LOC128092253: variants seen among roughly 807,000 people sequenced by gnomAD.
chr6:133,972,352 C>T, the LOC128092253 span, among the ~76,000 whole-genome samples: 1 of 152,096 alleles, frequency 6.6e-6, no homozygotes, highest in Non-Finnish European at 1.5e-5. Flanking sequence ...TTGTTAAAAC[C>T]GGGATCTAAT....
At chr6:133,977,193 A>G in the LOC128092253 span, among the ~76,000 whole-genome samples, 29 of 152,116 alleles carry the variant, frequency 1.9e-4, no homozygotes, top group Admixed American at 1.7e-3. Flanking sequence ...TGCCTCTTTT[A>G]AAAAAGTACT....
chr6:133,969,818 G>A, the LOC128092253 span, among the ~76,000 whole-genome samples: 1 of 152,076 alleles, frequency 6.6e-6, no homozygotes, highest in Admixed American at 6.5e-5. Context: ...AAGGGGAAGT[G>A]GTGAGTTCAG....
chr6:133,968,037 T>C, the LOC128092253 span, among the ~76,000 whole-genome samples: 2 of 150,876 alleles, frequency 1.3e-5, no homozygotes, highest in African/African-American at 4.9e-5. Flanking sequence ...TGAGACAGAG[T>C]CTTGCTTTGT....
chr6:133,976,186 T>C, the LOC128092253 span, among the ~76,000 whole-genome samples: 1 of 152,236 alleles, frequency 6.6e-6, no homozygotes, highest in African/African-American at 2.4e-5. Context: ...TGGAAATAGT[T>C]TCAGCCTTGC....
chr6:133,959,799 A>G, the LOC128092253 span, among the ~76,000 whole-genome samples: 185 of 152,282 alleles, frequency 1.2e-3, 1 homozygote, highest in African/African-American at 3.8e-3. Context: ...TGTTCTTTCT[A>G]TCACACTCTT....
At chr6:133,967,816 T>C in the LOC128092253 span, among the ~76,000 whole-genome samples, 5 of 152,174 alleles carry the variant, frequency 3.3e-5, no homozygotes, top group Admixed American at 3.3e-4. Context: ...ATTAATTCAG[T>C]ATTGCTGCTT....
chr6:133,969,498 C>T, the LOC128092253 span, among the ~76,000 whole-genome samples: 1 of 152,080 alleles, frequency 6.6e-6, no homozygotes, highest in Admixed American at 6.5e-5. Flanking sequence ...TTCTGTTTAA[C>T]TGAATGTAAT....
At chr6:133,974,922 A>G in the LOC128092253 span, among the ~76,000 whole-genome samples, 316 of 152,352 alleles carry the variant, frequency 2.1e-3, 2 homozygotes, top group African/African-American at 7.2e-3. Context: ...ATTAAGGGAT[A>G]ATGAAAACAC....
the LOC128092253 span, among the ~76,000 whole-genome samples, chr6:133,972,459 T>C: frequency 1.3e-5 from 2 of 152,222 alleles, no homozygotes; most frequent in African/African-American, 4.8e-5. Flanking sequence ...AGTGCCTCTT[T>C]GGGCTTGTCC....
the LOC128092253 span, among the ~76,000 whole-genome samples, chr6:133,956,175 C>T: frequency 1.0e-3 from 155 of 152,224 alleles, 2 homozygotes; most frequent in East Asian, 0.025. Flanking sequence ...AAAATATGAA[C>T]GTTGCAGTTG....
chr6:133,956,339 C>T, the LOC128092253 span, among the ~76,000 whole-genome samples: 1 of 152,154 alleles, frequency 6.6e-6, no homozygotes, highest in Non-Finnish European at 1.5e-5. Context: ...TGTCTGGTGC[C>T]GTGTCAGGTG....
At chr6:133,960,174 A>G in the LOC128092253 span, among the ~76,000 whole-genome samples, 1 of 152,188 alleles carries the variant, frequency 6.6e-6, no homozygotes, top group Admixed American at 6.5e-5. Flanking sequence ...TGCTCGTTAC[A>G]GATTAGGGTG....
At chr6:133,958,841 C>T in the LOC128092253 span, among the ~76,000 whole-genome samples, 1 of 151,956 alleles carries the variant, frequency 6.6e-6, no homozygotes, top group African/African-American at 2.4e-5. Context: ...TTCCTTCTTC[C>T]ATGTTGTGCT....
the LOC128092253 span, among the ~76,000 whole-genome samples, chr6:133,972,435 T>TCCC: frequency 3.9e-5 from 6 of 152,198 alleles, no homozygotes; most frequent in East Asian, 1.2e-3. Flanking sequence ...AGTGATAAAT[T>TCCC]TTATTTTGTT....
the LOC128092253 span, among the ~76,000 whole-genome samples, chr6:133,972,476 C>A: frequency 1.3e-5 from 2 of 152,196 alleles, no homozygotes; most frequent in Non-Finnish European, 2.9e-5. Flanking sequence ...GTCCAGTAAT[C>A]AGCAAACTTT....
the LOC128092253 span, among the ~76,000 whole-genome samples, chr6:133,956,587 CCT>C: frequency 6.6e-6 from 1 of 152,046 alleles, no homozygotes; most frequent in Non-Finnish European, 1.5e-5. Flanking sequence ...ATGTCCCTGC[CCT>C]GTGTGTGTAT....
At chr6:133,958,276 G>A in the LOC128092253 span, among the ~76,000 whole-genome samples, 4 of 152,318 alleles carry the variant, frequency 2.6e-5, no homozygotes, top group South Asian at 8.3e-4. Context: ...GCTTTCGTTA[G>A]AAGGCACTAT....
the LOC128092253 span, among the ~76,000 whole-genome samples, chr6:133,973,740 C>T: frequency 3.3e-5 from 5 of 152,080 alleles, no homozygotes; most frequent in Admixed American, 3.3e-4. Flanking sequence ...TAATAGAAAG[C>T]TAGAAATATG....
At chr6:133,957,077 T>C in the LOC128092253 span, among the ~76,000 whole-genome samples, 21,809 of 152,182 alleles carry the variant, frequency 0.14, 2,011 homozygotes, top group African/African-American at 0.27. Context: ...AAATTCTACT[T>C]GTCTGTGACT....
Sources: gnomAD v4.1 joint callset for allele counts (sites outside exome capture counted in the v4.1 genomes callset) on GRCh38, gnomAD v4.1.1 for gene constraint, MANE v1.5 for transcripts.